The following MID1 variants were observed in gnomAD, a reference collection of about 807,000 sequenced individuals.
MID1 encodes the protein E3 ubiquitin-protein ligase Midline-1.
A neutral mutation model predicts 40.4 loss-of-function variants in MID1; 7 were observed. The observed-to-expected ratio is 0.17, with a 90% confidence interval of 0.10 to 0.33. The LOEUF is 0.33. Ranked by LOEUF, MID1 falls within the 10% of genes least tolerant of loss-of-function variation. MID1 has a pLI of 1.00. For synonymous variants in MID1, 229 were observed against 221.2 expected (o/e 1.04, Z -0.31); for missense variants, 367 against 558.5 (o/e 0.66, Z 3.46).
At chrX:10,807,031 G>T (rs1325732839) in intron 1 of MID1, among the ~76,000 whole-genome samples, 2 of 111,768 alleles carry the variant, frequency 1.8e-5, no homozygotes, top group African/African-American at 6.5e-5. Context: ...ATCACCTGAG[G>T]TCAGGAGTTC....
chrX:10,705,507 A>G (rs1308868646), intron 1 of MID1, among the ~76,000 whole-genome samples: 1 of 112,192 alleles, frequency 8.9e-6, no homozygotes, highest in Non-Finnish European at 1.9e-5. Context: ...ATTAAATGAG[A>G]CCATGCGCAT....
At chrX:10,548,435 C>T (rs1056198522) in intron 2 of MID1, among the ~76,000 whole-genome samples, 1 of 111,902 alleles carries the variant, frequency 8.9e-6, no homozygotes, top group African/African-American at 3.2e-5. Flanking sequence ...GTGTTTATCC[C>T]CTCAGGGAAA....
chrX:10,480,537 A>C (rs986708448), intron 5 of MID1, among the ~76,000 whole-genome samples: 1 of 112,323 alleles, frequency 8.9e-6, no homozygotes, highest in Non-Finnish European at 1.9e-5. Context: ...CCGTGACCTA[A>C]GTGTAAACGC....
chrX:10,726,967 C>T (rs751110823), intron 1 of MID1, among the ~76,000 whole-genome samples: 84 of 112,723 alleles, frequency 7.5e-4, no homozygotes, highest in African/African-American at 2.6e-3. Flanking sequence ...GCAAATATTC[C>T]AAGACTACTT....
intron 1 of MID1, among the ~76,000 whole-genome samples, chrX:10,609,773 A>G (rs1409901033): frequency 1.1e-5 from 1 of 95,079 alleles, no homozygotes; most frequent in Non-Finnish European, 2.0e-5. Context: ...GCTGGAGTGC[A>G]GTGGCGCGAT....
At chrX:10,544,182 A>AATT (rs1388563797) in intron 2 of MID1, among the ~76,000 whole-genome samples, 2 of 111,693 alleles carry the variant, frequency 1.8e-5, no homozygotes, top group African/African-American at 3.3e-5. Context: ...TCGTTCTTTA[A>AATT]AAAGTCAACT....
rs547748047 is a variant in MID1, at chrX:10,540,607, G to A, written c.661-17420C>T. On this transcript the variant is annotated intron_variant, in intron 2 of 9. Coordinates refer to ENST00000317552, the MANE Select transcript of MID1 (RefSeq NM_000381.4). ...AGATGGTTCCATCTAAGTTGGATGT[G>A]CACTGTGCATAATGAGGATCTCATC... Among the ~76,000 whole-genome samples the A allele has an allele frequency of 3.6e-5, 4 of 111,415 alleles. No homozygotes were observed. In the South Asian group the frequency reaches 1.2e-3, roughly 32 times the overall value.
intron 2 of MID1, among the ~76,000 whole-genome samples, chrX:10,532,336 T>G: frequency 9.0e-6 from 1 of 111,631 alleles, no homozygotes; most frequent in Non-Finnish European, 1.9e-5. Flanking sequence ...TACAAAAACT[T>G]TTTTAAAAAT....
chrX:10,677,648 A>G (rs770885838), intron 1 of MID1: 10 of 112,721 alleles, frequency 8.9e-5, no homozygotes, highest in Non-Finnish European at 1.7e-4. Flanking sequence ...AAAATGAATC[A>G]GCTTCACACC....
chrX:10,650,155 G>A (rs1044980034), intron 1 of MID1, among the ~76,000 whole-genome samples: 5 of 111,407 alleles, frequency 4.5e-5, no homozygotes, highest in African/African-American at 6.5e-5. Context: ...AGTACTGTTC[G>A]AATTATTTGG....
At chrX:10,538,605 T>C (rs752405620) in intron 2 of MID1, among the ~76,000 whole-genome samples, 3 of 111,842 alleles carry the variant, frequency 2.7e-5, no homozygotes, top group Non-Finnish European at 5.6e-5. Context: ...ACTTTCCCAG[T>C]AGAAGGCAGC....
At chrX:10,634,382 T>A (rs1936085996) in intron 1 of MID1, among the ~76,000 whole-genome samples, 1 of 111,805 alleles carries the variant, frequency 8.9e-6, no homozygotes, top group Non-Finnish European at 1.9e-5. Context: ...GTAAAGTTTT[T>A]AAAAAGCCCC....
At chrX:10,747,978 T>C (rs976710825) in intron 1 of MID1, among the ~76,000 whole-genome samples, 2 of 111,817 alleles carry the variant, frequency 1.8e-5, no homozygotes, top group African/African-American at 3.2e-5. Flanking sequence ...TTCTTTCTTT[T>C]TTTTTTCTAG....
intron 8 of MID1, among the ~76,000 whole-genome samples, chrX:10,458,142 C>T (rs928021075): frequency 1.8e-5 from 2 of 112,665 alleles, no homozygotes; most frequent in African/African-American, 6.4e-5. Flanking sequence ...GGTGCTCAAA[C>T]ATATCTTTTG....
At chrX:10,494,503 C>T (rs1931125397) in intron 4 of MID1, among the ~76,000 whole-genome samples, 2 of 111,146 alleles carry the variant, frequency 1.8e-5, no homozygotes, top group South Asian at 7.5e-4. Context: ...CATAGTAGCT[C>T]GTGCCTGTCA....
chrX:10,687,425 T>C, intron 1 of MID1, among the ~76,000 whole-genome samples: 1 of 112,035 alleles, frequency 8.9e-6, no homozygotes, highest in Non-Finnish European at 1.9e-5. Flanking sequence ...ATGCCTGGCT[T>C]CTTGCACGAG....
intron 1 of MID1, among the ~76,000 whole-genome samples, chrX:10,569,846 T>C (rs1245427618): frequency 8.9e-6 from 1 of 111,748 alleles, no homozygotes; most frequent in Non-Finnish European, 1.9e-5. Context: ...CTGAGTTAGA[T>C]GAAGAAGCCA....
At chrX:10,720,196 A>G (rs185677687) in intron 1 of MID1, among the ~76,000 whole-genome samples, 81 of 111,978 alleles carry the variant, frequency 7.2e-4, no homozygotes, top group African/African-American at 2.6e-3. Context: ...AAATTGACAA[A>G]TGGGATCCAA....
chrX:10,792,364 G>A (rs1397379133), intron 1 of MID1, among the ~76,000 whole-genome samples: 1 of 111,579 alleles, frequency 9.0e-6, no homozygotes, highest in Admixed American at 9.6e-5. Context: ...GAAAACCGTC[G>A]ATGGTAATAC....
Sources: allele counts gnomAD v4.1 joint callset (sites outside exome capture counted in the v4.1 genomes callset), GRCh38; gene constraint gnomAD v4.1.1; transcripts MANE v1.5; gene names NCBI Gene and HGNC (gene_info 2026-07-23, HGNC 2026-07-21).